Variants in WDR7 observed in about 807,000 individuals in gnomAD.
The protein encoded by WDR7 is WD repeat domain 7.
WDR7 carries 46 observed loss-of-function variants against 169.4 expected under a neutral mutation model. That is an observed-to-expected ratio of 0.27 (90% CI 0.21 to 0.35). The LOEUF (loss-of-function observed/expected upper bound fraction) is 0.35. WDR7 is among the 10% of genes least tolerant of loss of function. WDR7 has a pLI of 1.00. For synonymous variants in WDR7, 612 were observed against 666.8 expected (o/e 0.92, Z 1.27); for missense variants, 1,534 against 1,859.3 (o/e 0.83, Z 3.22).
intron 12 of WDR7, among the ~76,000 whole-genome samples, chr18:56,698,445 A>G (rs1426290282): frequency 4.6e-5 from 7 of 151,772 alleles, no homozygotes; most frequent in African/African-American, 1.7e-4. Context: ...TCTCTACTAA[A>G]ACTACAAAAA....
chr18:56,789,473 C>G (rs1437173249), intron 19 of WDR7, among the ~76,000 whole-genome samples: 1 of 152,236 alleles, frequency 6.6e-6, no homozygotes, highest in Non-Finnish European at 1.5e-5. Flanking sequence ...AGCCTGCGCT[C>G]AGGATGTCAG....
At chr18:56,868,901 C>G (rs1047995936) in intron 20 of WDR7, among the ~76,000 whole-genome samples, 1 of 152,128 alleles carries the variant, frequency 6.6e-6, no homozygotes, top group South Asian at 2.1e-4. Context: ...GCCTTAGATA[C>G]TTGGGATTAC....
chr18:56,962,950 C>T lies in WDR7; in HGVS notation c.4164+421C>T, dbSNP rs557956517. ...ATAAGACAGTGATCTAGTCAGAGTT[C>T]AAAAAAGAAAAAATCACAACAGCAT... On this transcript the variant is annotated intron_variant, in intron 26 of 27. Transcript: ENST00000254442. Among the ~76,000 whole-genome samples, 103 of 151,866 alleles carry T rather than the reference C, an allele frequency of 6.8e-4. 1 individual carries two copies. Among genetic ancestry groups the T allele is most frequent in the African/African-American group, 2.4e-3 (98 of 41,456 alleles).
At chr18:56,815,760 A>G (rs775330256) in intron 19 of WDR7, among the ~76,000 whole-genome samples, 4 of 152,200 alleles carry the variant, frequency 2.6e-5, no homozygotes, top group Non-Finnish European at 5.9e-5. Flanking sequence ...AATCGAGTAA[A>G]AAATGTAATA....
chr18:56,767,105 C>G (rs1037523434), intron 16 of WDR7, among the ~76,000 whole-genome samples: 43 of 152,136 alleles, frequency 2.8e-4, no homozygotes, highest in African/African-American at 8.5e-4. Flanking sequence ...GAGCAGTGCT[C>G]TAAGATGAAT....
intron 7 of WDR7, among the ~76,000 whole-genome samples, chr18:56,690,095 C>CT (rs2025532331): frequency 1.3e-5 from 2 of 152,012 alleles, no homozygotes; most frequent in Admixed American, 6.6e-5. Context: ...ATTTAATGTA[C>CT]TTTTTTCAAA....
rs1482010319 is a variant in WDR7 at position 56,997,786 on chromosome 18, A to G, written c.4165-22959A>G. On this transcript the variant is annotated intron_variant, in intron 26 of 27. Coordinates refer to ENST00000254442, the MANE Select transcript of WDR7 (RefSeq NM_015285.3). ...TAAACAGATGAGCAAATAGCGGCCT[A>G]TAACAGTGGGATGTAAAATGTATAT... Among the ~76,000 whole-genome samples the G allele has an allele frequency of 3.9e-5, 6 of 152,374 alleles. 1 individual carries two copies. Among genetic ancestry groups the G allele is most frequent in the Admixed American group, 2.0e-4 (3 of 15,306 alleles).
At chr18:56,784,659 C>T (rs539318622) in intron 19 of WDR7, among the ~76,000 whole-genome samples, 2 of 152,282 alleles carry the variant, frequency 1.3e-5, no homozygotes, top group East Asian at 3.9e-4. Flanking sequence ...AGCCGTGTTA[C>T]AGTTAACGAC....
intron 26 of WDR7, among the ~76,000 whole-genome samples, chr18:57,015,038 T>A (rs1466317278): frequency 6.6e-6 from 1 of 152,168 alleles, no homozygotes; most frequent in Non-Finnish European, 1.5e-5. Context: ...TAAGGAAAAA[T>A]TCCCTGACAG....
intron 21 of WDR7, among the ~76,000 whole-genome samples, chr18:56,910,286 T>C (rs1249524280): frequency 6.6e-6 from 1 of 152,198 alleles, no homozygotes; most frequent in Non-Finnish European, 1.5e-5. Flanking sequence ...GTAATCTCAG[T>C]CTGTCATATA....
rs1299702425 is a variant in WDR7 at position 57,027,846 on chromosome 18, T to G, written c.*639T>G. On this transcript the variant is annotated 3_prime_UTR_variant, in exon 28 of 28. Coordinates refer to ENST00000254442, the MANE Select transcript of WDR7 (RefSeq NM_015285.3). Reference sequence around the variant, plus strand: ...TGATTAATTATGTACACAAAAATATTTTCCTTGTAGAAAATAGTTTTCCAG... The same window carrying G: ...TGATTAATTATGTACACAAAAATATGTTCCTTGTAGAAAATAGTTTTCCAG... 6.6e-6 allele frequency: 1 copy of G among 152,532 alleles called. No homozygotes were observed. Among genetic ancestry groups the G allele is most frequent in the East Asian group, 1.9e-4 (1 of 5,202 alleles). The allele number at this position is 152,532 out of a possible 1,614,324, so 9.4% of individuals were successfully genotyped here.
chr18:56,872,977 A>G (rs1421588977), intron 20 of WDR7, among the ~76,000 whole-genome samples: 1 of 152,242 alleles, frequency 6.6e-6, no homozygotes. Flanking sequence ...AGGCAAGCCA[A>G]TAATTTAAAG....
intron 7 of WDR7, 84 bp from the exon 8 acceptor site, chr18:56,691,132 C>CT (rs1263438787): frequency 1.5e-4 from 226 of 1,495,818 alleles, no homozygotes; most frequent in South Asian, 2.6e-4. Context: ...CATTTCCAGG[C>CT]TTTTTTTTTA....
chr18:56,727,986 C>T (rs561591852), intron 13 of WDR7, among the ~76,000 whole-genome samples: 1 of 152,292 alleles, frequency 6.6e-6, no homozygotes, highest in Admixed American at 6.5e-5. Flanking sequence ...CTTAGTTCTT[C>T]CTTCACCTTA....
At chr18:56,702,982 T>C (rs976174257) in intron 12 of WDR7, among the ~76,000 whole-genome samples, 6 of 152,240 alleles carry the variant, frequency 3.9e-5, no homozygotes, top group Non-Finnish European at 8.8e-5. Flanking sequence ...ACCAGTGATA[T>C]GTTTCTACAT....
chr18:56,696,516 A>G (rs1468742), intron 12 of WDR7, 54 bp downstream of exon 12: 1,030,579 of 1,359,002 alleles, frequency 0.76, 403,506 homozygotes, highest in Non-Finnish European at 0.81. Flanking sequence ...AAGTTATATT[A>G]CTATCAGGAA....
chr18:56,805,885 A>G (rs1381891663), intron 19 of WDR7, among the ~76,000 whole-genome samples: 1 of 152,092 alleles, frequency 6.6e-6, no homozygotes, highest in South Asian at 2.1e-4. Flanking sequence ...CAAATGTTTT[A>G]TTAGCCTCAT....
chr18:56,725,682 G>T lies in WDR7; in HGVS notation c.1775-5701G>T, dbSNP rs552279894. 3.6e-3 allele frequency among the ~76,000 whole-genome samples: 546 copies of T among 152,184 alleles called. 1 individual carries two copies. Among genetic ancestry groups the T allele is most frequent in the Non-Finnish European group, 6.2e-3 (423 of 68,012 alleles). On this transcript the variant is annotated intron_variant, in intron 13 of 27. Transcript: ENST00000254442. ...AATTAGATCGCATTTGTCAATTTTGGCTTTTGTTGCCATTGCTTTTGGTGT... is the reference window on the plus strand; with the variant it reads ...AATTAGATCGCATTTGTCAATTTTGTCTTTTGTTGCCATTGCTTTTGGTGT...
At chr18:56,988,429 G>A (rs1430115709) in intron 26 of WDR7, among the ~76,000 whole-genome samples, 1 of 152,086 alleles carries the variant, frequency 6.6e-6, no homozygotes, top group Non-Finnish European at 1.5e-5. Flanking sequence ...CTATAAAATT[G>A]TTAGTTCAGG....
Sources: gnomAD v4.1 joint callset for allele counts (sites outside exome capture counted in the v4.1 genomes callset) on GRCh38, gnomAD v4.1.1 for gene constraint, MANE v1.5 for transcripts, NCBI Gene and HGNC (gene_info 2026-07-23, HGNC 2026-07-21) for gene names.